Variants in MAGI2 observed in about 807,000 individuals in gnomAD.
MAGI2 encodes membrane associated guanylate kinase, WW and PDZ domain containing 2, also known as membrane-associated guanylate kinase, WW and PDZ domain-containing protein 2.
A neutral mutation model predicts 133.3 loss-of-function variants in MAGI2; 35 were observed. That is an observed-to-expected ratio of 0.26 (90% confidence interval 0.20 to 0.35). The LOEUF (loss-of-function observed/expected upper bound fraction) is 0.35, where lower values mean the gene tolerates loss of function less well. Among genes scored for constraint, MAGI2 ranks in the 10% least tolerant of loss-of-function variants. The pLI, the probability that MAGI2 is intolerant of heterozygous loss-of-function variation, is 1.00. For missense variants in MAGI2, 1,636 were observed against 1,863.4 expected (o/e 0.88, Z 2.25); for synonymous variants, 729 against 710.6 (o/e 1.03, Z -0.41).
Position 78,240,324 on chromosome 7 carries a change from T to A in MAGI2, c.2047+15619A>T, listed in dbSNP as rs535986774. 7.2e-5 allele frequency among the ~76,000 whole-genome samples: 11 copies of A among 152,016 alleles called. No individual in the cohort carries two copies. In the East Asian group the frequency reaches 2.2e-3, roughly 30 times the overall value. The stretch of plus-strand genomic sequence containing the variant: ...CAAAGGACATGAACTCATCCTTTTT[T>A]ATGGCTGCATAGTATTCCATGGTGT... On this transcript the variant is annotated intron_variant, in intron 10 of 21. Transcript: ENST00000354212.
intron 10 of MAGI2, among the ~76,000 whole-genome samples, chr7:78,236,631 G>C (rs1374807048): frequency 1.3e-5 from 2 of 152,100 alleles, no homozygotes; most frequent in South Asian, 2.1e-4. Flanking sequence ...ACTGATGAAG[G>C]TAAATGTTAA....
chr7:78,625,724 A>T (rs1474534611), intron 3 of MAGI2, among the ~76,000 whole-genome samples: 1 of 152,142 alleles, frequency 6.6e-6, no homozygotes, highest in African/African-American at 2.4e-5. Context: ...TTATATAGCT[A>T]TACTGTTTTA....
chr7:78,167,856 T>C (rs942422343), intron 15 of MAGI2, 60 bp downstream of exon 15: 32 of 1,517,488 alleles, frequency 2.1e-5, no homozygotes, highest in Non-Finnish European at 2.8e-5. Context: ...CCTTACCATG[T>C]CTCACAAAAG....
chr7:78,187,050 G>A (rs1827762839), intron 12 of MAGI2, among the ~76,000 whole-genome samples: 1 of 152,096 alleles, frequency 6.6e-6, no homozygotes, highest in Non-Finnish European at 1.5e-5. Flanking sequence ...GAGAATGGCA[G>A]GATATTTTTG....
intron 2 of MAGI2, among the ~76,000 whole-genome samples, chr7:78,856,347 AT>A (rs1793631011): frequency 6.6e-6 from 1 of 152,174 alleles, no homozygotes; most frequent in South Asian, 2.1e-4. Flanking sequence ...CCTGAATGGT[AT>A]TGCCTAGGTT....
At chr7:78,487,230 C>A in intron 6 of MAGI2, 1 of 220,526 alleles carries the variant, frequency 4.5e-6, no homozygotes, top group East Asian at 1.2e-4. Flanking sequence ...GTTTCTAAGG[C>A]TGCACAGGGA....
chr7:78,383,376 AT>A (rs758207160), intron 6 of MAGI2, among the ~76,000 whole-genome samples: 3 of 151,952 alleles, frequency 2.0e-5, no homozygotes, highest in Non-Finnish European at 2.9e-5. Flanking sequence ...GATACTGATT[AT>A]TTTTTACATA....
intron 3 of MAGI2, among the ~76,000 whole-genome samples, chr7:78,621,645 A>ATAG (rs1807753314): frequency 1.3e-5 from 2 of 151,972 alleles, no homozygotes; most frequent in South Asian, 4.1e-4. Flanking sequence ...AACCCTACCT[A>ATAG]CAGCCATGTG....
At chr7:79,344,453 G>C (rs118051796) in intron 1 of MAGI2, among the ~76,000 whole-genome samples, 3,586 of 152,240 alleles carry the variant, frequency 0.024, 49 homozygotes, top group Non-Finnish European at 0.03. Context: ...ATAGGGATGA[G>C]AGGCAGGAAT....
chr7:78,100,847 T>G (rs552204517), intron 20 of MAGI2, among the ~76,000 whole-genome samples: 3 of 152,270 alleles, frequency 2.0e-5, no homozygotes, highest in African/African-American at 7.2e-5. Context: ...ATATGTGAAT[T>G]CAGTAAAGTT....
chr7:79,136,506 A>G (rs949448988), intron 1 of MAGI2, among the ~76,000 whole-genome samples: 1 of 152,210 alleles, frequency 6.6e-6, no homozygotes, highest in South Asian at 2.1e-4. Context: ...AAATAACCTC[A>G]TATTTGCCTC....
At chr7:78,924,161 C>T (rs1054127710) in intron 2 of MAGI2, among the ~76,000 whole-genome samples, 5 of 152,142 alleles carry the variant, frequency 3.3e-5, no homozygotes, top group African/African-American at 1.2e-4. Context: ...TTGACTTCCT[C>T]TTTTCCTAAT....
chr7:78,543,340 A>C (rs1798564263), intron 3 of MAGI2, among the ~76,000 whole-genome samples: 1 of 152,240 alleles, frequency 6.6e-6, no homozygotes, highest in African/African-American at 2.4e-5. Context: ...AGAGACATCT[A>C]TCTAATAACA....
chr7:79,116,253 A>T (rs1819401602), intron 1 of MAGI2, among the ~76,000 whole-genome samples: 1 of 152,162 alleles, frequency 6.6e-6, no homozygotes, highest in South Asian at 2.1e-4. Flanking sequence ...AAAGTGGCTA[A>T]GGCTCCCATA....
At chr7:78,747,544 G>A (rs752016567) in intron 2 of MAGI2, among the ~76,000 whole-genome samples, 5 of 151,942 alleles carry the variant, frequency 3.3e-5, no homozygotes, top group Non-Finnish European at 7.4e-5. Flanking sequence ...ATCAAATAAA[G>A]GAAGTTAAGG....
intron 1 of MAGI2, among the ~76,000 whole-genome samples, chr7:79,150,625 G>A (rs1035282768): frequency 2.0e-5 from 3 of 152,066 alleles, no homozygotes; most frequent in African/African-American, 7.2e-5. Flanking sequence ...TTTGCAGAAT[G>A]TTGATTGTGG....
intron 2 of MAGI2, among the ~76,000 whole-genome samples, chr7:78,721,129 A>G (rs1459877446): frequency 6.6e-6 from 1 of 152,058 alleles, no homozygotes; most frequent in African/African-American, 2.4e-5. Flanking sequence ...CAAGAAAAAA[A>G]TAGGAAATCT....
intron 1 of MAGI2, among the ~76,000 whole-genome samples, chr7:79,089,415 A>G (rs1816846431): frequency 6.6e-6 from 1 of 152,158 alleles, no homozygotes; most frequent in Non-Finnish European, 1.5e-5. Flanking sequence ...AAGGATCTAG[A>G]ACCAGAAATA....
chr7:79,264,849 G>A (rs548300076), intron 1 of MAGI2, among the ~76,000 whole-genome samples: 179 of 151,606 alleles, frequency 1.2e-3, no homozygotes, highest in African/African-American at 4.1e-3. Context: ...GAGAGGAAAC[G>A]AGAGAGACAC....
Sources: gnomAD v4.1 joint callset for allele counts (sites outside exome capture counted in the v4.1 genomes callset) on GRCh38, gnomAD v4.1.1 for gene constraint, MANE v1.5 for transcripts, NCBI Gene and HGNC (gene_info 2026-07-23, HGNC 2026-07-21) for gene names.